FRYL: variants seen among roughly 807,000 people sequenced by gnomAD.
FRYL encodes FRY like transcription coactivator.
In FRYL, 150 loss-of-function variants were observed where a neutral mutation model predicts 351.2. The ratio of observed to expected loss-of-function variants is 0.43; its 90% CI spans 0.37 to 0.49. The LOEUF (loss-of-function observed/expected upper bound fraction) is 0.49, where lower values mean the gene tolerates loss of function less well. Ranked by LOEUF, FRYL falls within the 20% of genes least tolerant of loss-of-function variation. The probability of loss-of-function intolerance (pLI) is 0.00; values close to 1 mark genes in which losing one functional copy is unlikely to be tolerated. For synonymous variants in FRYL, 1,153 were observed against 1,257.1 expected (o/e 0.92, Z 1.75); for missense variants, 3,036 against 3,619.3 (o/e 0.84, Z 4.13).
chr4:48,616,328 T>C (rs532609369), intron 7 of FRYL, among the ~76,000 whole-genome samples: 199 of 152,292 alleles, frequency 1.3e-3, no homozygotes, highest in African/African-American at 4.7e-3. Flanking sequence ...ATCAATGAAT[T>C]TGCTTTATAA....
At chr4:48,513,383 G>C (rs1486189059) in intron 56 of FRYL, among the ~76,000 whole-genome samples, 1 of 152,108 alleles carries the variant, frequency 6.6e-6, no homozygotes, top group Non-Finnish European at 1.5e-5. Context: ...AGAAACATAA[G>C]ACCTCGCCAT....
intron 59 of FRYL, among the ~76,000 whole-genome samples, chr4:48,507,176 G>A (rs1646625304): frequency 6.6e-6 from 1 of 152,084 alleles, no homozygotes; most frequent in African/African-American, 2.4e-5. Flanking sequence ...TAATGATACA[G>A]CCTTTTGGGG....
chr4:48,510,085 T>G lies in FRYL; in HGVS notation c.8368A>C (p.Asn2790His), dbSNP rs1722158664. 6.2e-7 allele frequency: 1 copy of G among 1,613,420 alleles called. No individual in the cohort carries two copies. The highest frequency in any genetic ancestry group is 8.5e-7 in the Non-Finnish European group (1 of 1,179,436). The change falls in exon 59 of 64, where the codon AAT becomes CAT. Residue 2790 changes from asparagine to histidine, a missense_variant. Around this residue, in one of 7 missense-constraint regions of FRYL, gnomAD observed 1,987 missense variants for 2,311.7 expected, o/e 0.86. Coordinates refer to ENST00000358350, the MANE Select transcript of FRYL (RefSeq NM_015030.2). Reference sequence around the variant, plus strand: ...TGCTCAGCGGCTTCTCTTTTCACATTGTATGTATCCAGGTGTTCTTGCAAC... The same window carrying G: ...TGCTCAGCGGCTTCTCTTTTCACATGGTATGTATCCAGGTGTTCTTGCAAC... ...LELQEHLDTYNVKREAAEQWL... is the reference protein window; with the variant it reads ...LELQEHLDTYHVKREAAEQWL...
At chr4:48,508,016 G>A (rs1721649351) in intron 59 of FRYL, among the ~76,000 whole-genome samples, 1 of 152,088 alleles carries the variant, frequency 6.6e-6, no homozygotes, top group Non-Finnish European at 1.5e-5. Flanking sequence ...AAAATGAATG[G>A]GAAAATTAAA....
chr4:48,703,930 G>C (rs1767028361), intron 2 of FRYL, among the ~76,000 whole-genome samples: 1 of 152,136 alleles, frequency 6.6e-6, no homozygotes, highest in Non-Finnish European at 1.5e-5. Context: ...TCTCATCTGG[G>C]AAAATGGCAA....
chr4:48,763,477 GA>G (rs1439635336), intron 1 of FRYL, among the ~76,000 whole-genome samples: 1 of 151,492 alleles, frequency 6.6e-6, no homozygotes, highest in Non-Finnish European at 1.5e-5. Flanking sequence ...AAAAAACTTG[GA>G]AAAAAAAGTC....
chr4:48,525,163 G>A (rs867425261), intron 53 of FRYL, among the ~76,000 whole-genome samples: 1,743 of 139,798 alleles, frequency 0.012, 24 homozygotes, highest in Non-Finnish European at 0.02. Context: ...ATTTTTAAAG[G>A]TATATATATA....
At chr4:48,618,069 A>G (rs995540825) in intron 7 of FRYL, 1 of 152,178 alleles carries the variant, frequency 6.6e-6, no homozygotes, top group Admixed American at 6.5e-5. Context: ...AGCTCTTCCT[A>G]TCCTAGTGAC....
chr4:48,542,453 A>G (rs528601714), intron 44 of FRYL, among the ~76,000 whole-genome samples: 3 of 152,248 alleles, frequency 2.0e-5, no homozygotes, highest in South Asian at 2.1e-4. Flanking sequence ...GTCTTGCTCT[A>G]TTGCCCAGGC....
chr4:48,652,753 T>C (rs914226040), intron 3 of FRYL, among the ~76,000 whole-genome samples: 2 of 152,196 alleles, frequency 1.3e-5, no homozygotes, highest in African/African-American at 4.8e-5. Flanking sequence ...ACTAAATAAA[T>C]ATTTTGGTAA....
At chr4:48,768,172 C>A (rs536599694) in intron 1 of FRYL, among the ~76,000 whole-genome samples, 6 of 152,302 alleles carry the variant, frequency 3.9e-5, no homozygotes, top group African/African-American at 1.4e-4. Context: ...CATTTGTTCC[C>A]TTCCAGCATA....
At position 48,527,572 on chromosome 4, in the gene FRYL, CTTGAT is replaced by C; in HGVS notation, c.7217_7221del (p.Asn2406ArgfsTer9). On this transcript the variant is annotated frameshift_variant, in exon 53 of 64. Transcript: ENST00000358350. LOFTEE classifies it high-confidence loss of function. ...TTATCTTCCACAGCTACTTCTTCCT[CTTGAT>C]TTATGTCTTCTGTTGTAGAAATTAG... 6.2e-7 allele frequency: 1 copy of C among 1,613,138 alleles called. No individual in the cohort carries two copies. Among genetic ancestry groups the C allele is most frequent in the Non-Finnish European group, 8.5e-7 (1 of 1,179,484 alleles).
chr4:48,665,730 A>C (rs1257224361), intron 3 of FRYL, among the ~76,000 whole-genome samples: 2 of 152,194 alleles, frequency 1.3e-5, no homozygotes. Context: ...TTGAGCATGA[A>C]GTAGGTACTA....
At chr4:48,676,599 G>C (rs956268985) in intron 3 of FRYL, among the ~76,000 whole-genome samples, 30 of 149,478 alleles carry the variant, frequency 2.0e-4, no homozygotes, top group African/African-American at 7.4e-4. Context: ...CACTGTGTTA[G>C]CCAGGATGGT....
chr4:48,620,836 T>A, intron 5 of FRYL, 58 bp from the exon 6 acceptor site: 2 of 1,408,334 alleles, frequency 1.4e-6, no homozygotes, highest in Non-Finnish European at 2.0e-6. Flanking sequence ...ACCACACTCT[T>A]AAGTTCTATT....
chr4:48,760,864 A>G (rs141788452), intron 1 of FRYL, among the ~76,000 whole-genome samples: 4 of 152,124 alleles, frequency 2.6e-5, no homozygotes, highest in Admixed American at 1.3e-4. Context: ...TTTAGTAAAG[A>G]CAGGGGTTTC....
At chr4:48,683,691 A>G (rs1480958897) in intron 3 of FRYL, among the ~76,000 whole-genome samples, 5 of 152,214 alleles carry the variant, frequency 3.3e-5, no homozygotes, top group Non-Finnish European at 1.5e-5. Context: ...AAGCAGGTAT[A>G]GATTCAACAG....
chr4:48,550,872 G>C (rs1732569377), intron 37 of FRYL, among the ~76,000 whole-genome samples, 168 bp from the exon 38 acceptor site: 1 of 152,142 alleles, frequency 6.6e-6, no homozygotes, highest in Non-Finnish European at 1.5e-5. Flanking sequence ...AGGAGATCGA[G>C]ACCATCCTGG....
intron 1 of FRYL, among the ~76,000 whole-genome samples, chr4:48,724,537 T>G (rs1769863037): frequency 6.6e-6 from 1 of 152,188 alleles, no homozygotes; most frequent in Non-Finnish European, 1.5e-5. Flanking sequence ...TGTTTACTGT[T>G]TGTCTACCCG....
Sources: gnomAD v4.1 joint callset for allele counts (sites outside exome capture counted in the v4.1 genomes callset) on GRCh38, gnomAD v4.1.1 for gene constraint, gnomAD v4.1.1 regional missense constraint, MANE v1.5 for transcripts, NCBI Gene and HGNC (gene_info 2026-07-23, HGNC 2026-07-21) for gene names.